Variants in TMEM164 observed in about 807,000 individuals in gnomAD.
TMEM164 encodes the protein RP13-360B22.2.
In TMEM164, 4 loss-of-function variants were observed where a neutral mutation model predicts 18.8. The ratio of observed to expected loss-of-function variants is 0.21; its 90% confidence interval spans 0.10 to 0.49. TMEM164 has a LOEUF of 0.49. TMEM164 is among the 20% of genes least tolerant of loss of function. The pLI is 0.98. For synonymous variants in TMEM164, 86 were observed against 101.7 expected, an observed-to-expected ratio of 0.85 and a Z score of 0.93; for missense variants, 108 against 239.9, an observed-to-expected ratio of 0.45 and a Z score of 3.63.
Position 110,073,845 on chromosome X carries a change from G to A in TMEM164, c.440+6449G>A, listed in dbSNP as rs145057433. ...ATTTTTCAAATTTTTAATAATAGCC[G>A]TTCTGATTGGTGTGAGATGATATGT... On this transcript the variant is annotated intron_variant, in intron 3 of 6. Transcript: ENST00000372068. 2.0e-3 allele frequency among the ~76,000 whole-genome samples: 218 copies of A among 110,752 alleles called. 1 individual carries two copies. Among genetic ancestry groups the A allele is most frequent in the African/African-American group, 6.5e-3 (199 of 30,485 alleles).
chrX:110,139,841 T>C (rs1372447917), intron 4 of TMEM164, among the ~76,000 whole-genome samples: 1 of 109,861 alleles, frequency 9.1e-6, no homozygotes, highest in East Asian at 2.9e-4. Flanking sequence ...TAGGTCCTGG[T>C]GAAGTGGGAA....
chrX:110,006,131 A>T (rs1368031448), intron 2 of TMEM164, among the ~76,000 whole-genome samples: 1 of 111,562 alleles, frequency 9.0e-6, no homozygotes, highest in Non-Finnish European at 1.9e-5. Flanking sequence ...CTAGCTCTTG[A>T]CAGTCTATGT....
chrX:110,167,005 C>T (rs1048549518), intron 5 of TMEM164, among the ~76,000 whole-genome samples: 1 of 111,856 alleles, frequency 8.9e-6, no homozygotes, highest in African/African-American at 3.3e-5. Flanking sequence ...ACTTGATCAA[C>T]TTTTCAATGA....
chrX:110,157,852 T>C (rs2067038010), intron 5 of TMEM164, among the ~76,000 whole-genome samples: 1 of 111,626 alleles, frequency 9.0e-6, no homozygotes, highest in Non-Finnish European at 1.9e-5. Context: ...TTAAGGTTAA[T>C]TAATTTGAAT....
intron 2 of TMEM164, among the ~76,000 whole-genome samples, chrX:110,050,471 G>A (rs1294708726): frequency 1.8e-5 from 2 of 110,576 alleles, no homozygotes; most frequent in Non-Finnish European, 3.8e-5. Flanking sequence ...GCTCATCTCA[G>A]GCTGAATTTT....
intron 3 of TMEM164, among the ~76,000 whole-genome samples, chrX:110,107,663 CTCCCCTCCCT>C (rs2066225360): frequency 9.5e-6 from 1 of 105,690 alleles, no homozygotes; most frequent in African/African-American, 3.5e-5. Context: ...CTCCCCTCCC[CTCCCCTCCCT>C]TCCCCTCCCC....
chrX:110,155,060 T>A (rs6655081), intron 5 of TMEM164, among the ~76,000 whole-genome samples: 12,175 of 111,400 alleles, frequency 0.11, 1,607 homozygotes, highest in African/African-American at 0.38. Context: ...TGTTAATTAT[T>A]CATCTTTCTT....
At chrX:110,160,043 G>A (rs1295016433) in intron 5 of TMEM164, among the ~76,000 whole-genome samples, 1 of 111,858 alleles carries the variant, frequency 8.9e-6, no homozygotes, top group Admixed American at 9.4e-5. Flanking sequence ...TGCCCACACA[G>A]CTTTAGGCCC....
intron 5 of TMEM164, among the ~76,000 whole-genome samples, chrX:110,165,014 T>C (rs2067141882): frequency 8.9e-6 from 1 of 112,906 alleles, no homozygotes; most frequent in Admixed American, 9.3e-5. Flanking sequence ...TTTCCTGGAA[T>C]TTCCTTCCTT....
At chrX:110,159,540 G>A (rs971887473) in intron 5 of TMEM164, among the ~76,000 whole-genome samples, 4 of 110,263 alleles carry the variant, frequency 3.6e-5, no homozygotes, top group African/African-American at 1.3e-4. Flanking sequence ...CGAGGTTAGG[G>A]TATTGGAAGA....
At chrX:110,092,618 A>C (rs886068757) in intron 3 of TMEM164, among the ~76,000 whole-genome samples, 1 of 111,862 alleles carries the variant, frequency 8.9e-6, no homozygotes, top group African/African-American at 3.3e-5. Context: ...GGCTGAGATG[A>C]TGGGGTTTTC....
At chrX:110,032,965 A>C (rs1396358676) in intron 2 of TMEM164, among the ~76,000 whole-genome samples, 1 of 112,535 alleles carries the variant, frequency 8.9e-6, no homozygotes, top group Non-Finnish European at 1.9e-5. Context: ...TTGGAGTAGG[A>C]AGAAGCATTG....
downstream of TMEM164, chrX:110,182,166 T>C (rs1391952496): frequency 8.9e-6 from 1 of 111,749 alleles, no homozygotes. Flanking sequence ...GTCAATGAAA[T>C]ACTGTAATTG....
At chrX:110,169,141 C>T (rs1382177083) in intron 5 of TMEM164, among the ~76,000 whole-genome samples, 1 of 112,077 alleles carries the variant, frequency 8.9e-6, no homozygotes, top group South Asian at 3.7e-4. Context: ...AGAGTACAGG[C>T]AGCCGCCAAA....
At chrX:110,156,897 A>T (rs953009660) in intron 5 of TMEM164, among the ~76,000 whole-genome samples, 4 of 111,866 alleles carry the variant, frequency 3.6e-5, no homozygotes, top group Admixed American at 2.8e-4. Context: ...ATTAGGTTTC[A>T]ACATGAATCT....
At chrX:110,118,346 G>A (rs1014853218) in intron 4 of TMEM164, among the ~76,000 whole-genome samples, 1 of 111,856 alleles carries the variant, frequency 8.9e-6, no homozygotes, top group African/African-American at 3.3e-5. Flanking sequence ...GGTAAGGACA[G>A]TGTCTTTTTT....
chrX:110,154,181 G>A (rs2066984985), intron 5 of TMEM164, among the ~76,000 whole-genome samples: 1 of 111,496 alleles, frequency 9.0e-6, no homozygotes, highest in Non-Finnish European at 1.9e-5. Context: ...TGTTAGAGTT[G>A]TTGCAGATAT....
intron 5 of TMEM164, among the ~76,000 whole-genome samples, chrX:110,162,471 G>A (rs2067106529): frequency 8.9e-6 from 1 of 112,180 alleles, no homozygotes; most frequent in African/African-American, 3.2e-5. Flanking sequence ...AGACTCTCCA[G>A]CCTCTTAGGA....
At chrX:110,163,476 A>T (rs1048002857) in intron 5 of TMEM164, among the ~76,000 whole-genome samples, 9 of 111,873 alleles carry the variant, frequency 8.0e-5, no homozygotes, top group Non-Finnish European at 1.1e-4. Flanking sequence ...GCACATCTCA[A>T]GTTCAAACTA....
Sources: allele counts gnomAD v4.1 joint callset (sites outside exome capture counted in the v4.1 genomes callset), GRCh38; gene constraint gnomAD v4.1.1; transcripts MANE v1.5; gene names NCBI Gene and HGNC (gene_info 2026-07-23, HGNC 2026-07-21).